Variants in SLC7A14 observed in about 807,000 individuals in gnomAD.
The protein encoded by SLC7A14 is solute carrier family 7 member 14, also known as gamma-aminobutyric acid transporter SLC7A14.
In SLC7A14, 37 loss-of-function variants were observed where a neutral mutation model predicts 60.2. The ratio of observed to expected loss-of-function variants is 0.61; its 90% confidence interval spans 0.47 to 0.81. SLC7A14 has a LOEUF of 0.81. SLC7A14 is among the 30% of genes least tolerant of loss of function. SLC7A14 has a pLI of 0.00. For missense variants in SLC7A14, 886 were observed against 982.7 expected (o/e 0.90, Z 1.32); for synonymous variants, 399 against 395.8 (o/e 1.01, Z -0.10).
intron 2 of SLC7A14, among the ~76,000 whole-genome samples, chr3:170,512,221 G>A (rs1263759224): frequency 3.3e-5 from 5 of 152,302 alleles, no homozygotes; most frequent in Admixed American, 6.5e-5. Context: ...TGAGTGCCGA[G>A]AGGACCCACC....
intron 2 of SLC7A14, among the ~76,000 whole-genome samples, chr3:170,507,190 T>C (rs1408760280): frequency 6.6e-6 from 1 of 152,216 alleles, no homozygotes; most frequent in East Asian, 1.9e-4. Context: ...CATTTAACAG[T>C]TTCCCAAATA....
intron 4 of SLC7A14, among the ~76,000 whole-genome samples, chr3:170,493,164 G>A (rs1712273300): frequency 6.6e-6 from 1 of 152,230 alleles, no homozygotes; most frequent in African/African-American, 2.4e-5. Context: ...ATGTTCAAGG[G>A]CTGAGGAATT....
At chr3:170,529,488 T>C (rs2108295014) in intron 1 of SLC7A14, among the ~76,000 whole-genome samples, 1 of 152,344 alleles carries the variant, frequency 6.6e-6, no homozygotes, top group South Asian at 2.1e-4. Flanking sequence ...CAAAGCATCT[T>C]CTCTGTGTCA....
rs963775317 is a variant in SLC7A14, at chr3:170,585,721, G to C, written c.-153+190C>G. 6.6e-6 allele frequency among the ~76,000 whole-genome samples: 1 copy of C among 152,078 alleles called. No individual in the cohort carries two copies. Among genetic ancestry groups the C allele is most frequent in the Admixed American group, 6.5e-5 (1 of 15,286 alleles). On this transcript the variant is annotated intron_variant, in intron 1 of 7. Transcript: ENST00000231706. This position sits in a 1 kb window ranked among gnomAD's most constrained non-coding sequence, Gnocchi z 5.1. ...AGGAAAGAGCCCGACCCACCTCCTC[G>C]GTTCTTCCAGGGAACCCCTTCTCGG...
At chr3:170,552,088 A>G (rs1365051145) in intron 1 of SLC7A14, among the ~76,000 whole-genome samples, 2 of 152,152 alleles carry the variant, frequency 1.3e-5, no homozygotes, top group Non-Finnish European at 2.9e-5. Flanking sequence ...TAATTTTTGA[A>G]TAACAACTGA....
chr3:170,583,095 G>T (rs967517723), intron 1 of SLC7A14, among the ~76,000 whole-genome samples: 1 of 152,158 alleles, frequency 6.6e-6, no homozygotes, highest in Non-Finnish European at 1.5e-5. Flanking sequence ...TCTTATTAGG[G>T]CCTTTTCCCA....
At chr3:170,551,565 T>C (rs1366956137) in intron 1 of SLC7A14, among the ~76,000 whole-genome samples, 1 of 152,238 alleles carries the variant, frequency 6.6e-6, no homozygotes, top group Non-Finnish European at 1.5e-5. Flanking sequence ...ATATGTGTTA[T>C]TGTTAATCTT....
In SLC7A14 at chr3:170,464,804, G is replaced by A. The variant is rs1157101404; in HGVS notation, c.*2251C>T. The A allele has an allele frequency of 6.6e-6, 1 of 152,140 alleles. No individual in the cohort carries two copies. Among genetic ancestry groups the A allele is most frequent in the African/African-American group, 2.4e-5 (1 of 41,408 alleles). The allele number at this position is 152,140 out of a possible 1,614,324, so 9.4% of individuals were successfully genotyped here. A position where few individuals can be genotyped will look rare whatever the true frequency, so the allele number is the denominator to read the frequency against. ...TTACTTTAATACTTAAACCTCACTA[G>A]TAAAAGGAAGCTCTTTCACCCACGT... On this transcript the variant is annotated 3_prime_UTR_variant, in exon 8 of 8. Coordinates refer to ENST00000231706, the MANE Select transcript of SLC7A14 (RefSeq NM_020949.3).
At chr3:170,513,775 G>C (rs1409693679) in intron 2 of SLC7A14, among the ~76,000 whole-genome samples, 1 of 152,184 alleles carries the variant, frequency 6.6e-6, no homozygotes, top group African/African-American at 2.4e-5. Flanking sequence ...TCTTCTCCAT[G>C]CTAATGCTTC....
intron 1 of SLC7A14, among the ~76,000 whole-genome samples, chr3:170,561,326 G>T (rs1345015032): frequency 6.6e-6 from 1 of 152,218 alleles, no homozygotes; most frequent in African/African-American, 2.4e-5. Context: ...GGCAATTGCT[G>T]TGTGTGCATC....
intron 2 of SLC7A14, among the ~76,000 whole-genome samples, chr3:170,521,222 A>G (rs900051240): frequency 2.0e-5 from 3 of 152,214 alleles, no homozygotes; most frequent in South Asian, 2.1e-4. Context: ...GCAAGTTGCT[A>G]TAACTTCCCA....
chr3:170,532,688 G>C lies in SLC7A14; in HGVS notation c.-152-5600C>G, dbSNP rs879455777. On this transcript the variant is annotated intron_variant, in intron 1 of 7. Transcript: ENST00000231706. This position sits in a 1 kb window ranked among gnomAD's most constrained non-coding sequence, Gnocchi z 4.0. Reference sequence around the variant, plus strand: ...GACCAGGTGTTTTTTTTTTTTTGTTGTTGTTGTTCCCTGCTACTGACACCC... The same window carrying C: ...GACCAGGTGTTTTTTTTTTTTTGTTCTTGTTGTTCCCTGCTACTGACACCC... Among the ~76,000 whole-genome samples the C allele has an allele frequency of 6.8e-6, 1 of 146,932 alleles. No individual in the cohort carries two copies. The highest frequency in any genetic ancestry group is 1.5e-5 in the Non-Finnish European group (1 of 66,426).
chr3:170,518,773 G>A (rs1325212322), intron 2 of SLC7A14, among the ~76,000 whole-genome samples: 3 of 152,186 alleles, frequency 2.0e-5, no homozygotes, highest in Non-Finnish European at 4.4e-5. Context: ...GATATGGACA[G>A]AGTTTTAGAG....
intron 4 of SLC7A14, among the ~76,000 whole-genome samples, chr3:170,494,335 A>T (rs1712314957): frequency 6.6e-6 from 1 of 152,260 alleles, no homozygotes; most frequent in East Asian, 1.9e-4. Flanking sequence ...TTTCTTTCTT[A>T]TGCCTGACTT....
At chr3:170,520,816 T>G (rs1465127224) in intron 2 of SLC7A14, among the ~76,000 whole-genome samples, 1 of 152,200 alleles carries the variant, frequency 6.6e-6, no homozygotes, top group African/African-American at 2.4e-5. Flanking sequence ...TTAATCTGCC[T>G]CTCTTCCACT....
chr3:170,537,192 G>A (rs1282926576), intron 1 of SLC7A14, among the ~76,000 whole-genome samples: 2 of 152,116 alleles, frequency 1.3e-5, no homozygotes, highest in African/African-American at 4.8e-5. Context: ...TGTACCTTCC[G>A]GAAGTTCCAG....
intron 2 of SLC7A14, chr3:170,502,824 C>T (rs1284020742): frequency 6.6e-6 from 1 of 152,208 alleles, no homozygotes; most frequent in Non-Finnish European, 1.5e-5. Flanking sequence ...CTTCAGTTGT[C>T]AGGATGTTTA....
Position 170,467,226 on chromosome 3 carries a change from C to CTG in SLC7A14, c.2144_2145insCA (p.Glu715AspfsTer47). On this transcript the variant is annotated frameshift_variant, in exon 8 of 8. Coordinates refer to ENST00000231706, the MANE Select transcript of SLC7A14 (RefSeq NM_020949.3). LOFTEE classifies it high-confidence loss of function. The stretch of plus-strand genomic sequence containing the variant: ...TGGGCCCGCCCCAGTCCTCCTGGCT[C>CTG]TCGCCCTCTGTGGCGTAGGAGAAAC... The CTG allele has an allele frequency of 6.2e-7, 1 of 1,614,264 alleles. No individual in the cohort carries two copies. The highest frequency in any genetic ancestry group is 1.1e-5 in the South Asian group (1 of 91,088).
intron 1 of SLC7A14, among the ~76,000 whole-genome samples, chr3:170,567,878 G>C (rs1423391517): frequency 6.7e-6 from 1 of 150,350 alleles, no homozygotes; most frequent in Non-Finnish European, 1.5e-5. Flanking sequence ...TTGTAAATTT[G>C]TTTGAGTTCA....
Sources: allele counts gnomAD v4.1 joint callset (sites outside exome capture counted in the v4.1 genomes callset), GRCh38; gene constraint gnomAD v4.1.1; non-coding constraint Gnocchi (gnomAD v3.1); transcripts MANE v1.5; gene names NCBI Gene and HGNC (gene_info 2026-07-23, HGNC 2026-07-21).